SBF2: variants seen among roughly 807,000 people sequenced by gnomAD.
SBF2 encodes the protein myotubularin-related protein 13.
Under a neutral mutation model 225.2 loss-of-function variants are expected in SBF2, and 112 were observed. The observed-to-expected ratio is 0.50, with a 90% CI of 0.43 to 0.58. The LOEUF (loss-of-function observed/expected upper bound fraction) is 0.58, where lower values mean the gene tolerates loss of function less well. Ranked by LOEUF, SBF2 falls within the 20% of genes least tolerant of loss-of-function variation. The pLI is 0.00. For missense variants in SBF2, 1,996 were observed against 2,206.2 expected (o/e 0.90, Z 1.91); for synonymous variants, 763 against 773.3 (o/e 0.99, Z 0.22).
At chr11:10,142,165 G>C (rs145804189) in intron 2 of SBF2, among the ~76,000 whole-genome samples, 206 of 152,254 alleles carry the variant, frequency 1.4e-3, no homozygotes, top group African/African-American at 4.5e-3. Flanking sequence ...TCTTAGCAAA[G>C]AAGTATAGAT....
intron 1 of SBF2, among the ~76,000 whole-genome samples, chr11:10,291,518 G>A (rs376862801): frequency 6.6e-5 from 10 of 152,192 alleles, no homozygotes; most frequent in East Asian, 1.9e-4. Context: ...TATAATCCGC[G>A]AGCTCCCCTT....
intron 2 of SBF2, among the ~76,000 whole-genome samples, chr11:10,150,915 G>A (rs980846612): frequency 4.6e-5 from 7 of 152,050 alleles, no homozygotes; most frequent in South Asian, 2.1e-4. Flanking sequence ...CGTAGAACTG[G>A]AGCAATTATC....
intron 29 of SBF2, among the ~76,000 whole-genome samples, chr11:9,816,275 T>A (rs1347660240): frequency 6.6e-6 from 1 of 152,238 alleles, no homozygotes; most frequent in Non-Finnish European, 1.5e-5. Flanking sequence ...TAAAGTTGAT[T>A]AGCATCTAGT....
At chr11:10,015,422 T>C (rs1226707337) in intron 6 of SBF2, among the ~76,000 whole-genome samples, 1 of 152,206 alleles carries the variant, frequency 6.6e-6, no homozygotes, top group Non-Finnish European at 1.5e-5. Flanking sequence ...GGAAGTCCTG[T>C]GATCAAATTT....
intron 2 of SBF2, among the ~76,000 whole-genome samples, chr11:10,178,548 C>T (rs1255156284): frequency 1.3e-5 from 2 of 149,826 alleles, no homozygotes; most frequent in Non-Finnish European, 3.0e-5. Context: ...TGAACAGACA[C>T]TTCTCAAAAG....
chr11:9,990,199 A>G (rs911271428), intron 12 of SBF2, among the ~76,000 whole-genome samples: 19 of 152,214 alleles, frequency 1.2e-4, no homozygotes, highest in African/African-American at 4.6e-4. Context: ...GGGGGTAAAT[A>G]GATGGATGAC....
chr11:9,796,596 A>C (rs1853142196), intron 32 of SBF2, among the ~76,000 whole-genome samples: 1 of 152,240 alleles, frequency 6.6e-6, no homozygotes, highest in East Asian at 1.9e-4. Flanking sequence ...TAGAGAAAAC[A>C]AATTTTAGAA....
intron 1 of SBF2, among the ~76,000 whole-genome samples, chr11:10,261,633 C>T (rs1347066285): frequency 1.3e-5 from 2 of 152,058 alleles, no homozygotes; most frequent in Non-Finnish European, 2.9e-5. Flanking sequence ...TAGGTATTTA[C>T]CCAAAAGAAA....
chr11:10,058,127 A>C (rs1750672644), intron 2 of SBF2, among the ~76,000 whole-genome samples: 1 of 152,200 alleles, frequency 6.6e-6, no homozygotes, highest in Admixed American at 6.5e-5. Flanking sequence ...CCTCCAAATG[A>C]CTGCACCAGT....
chr11:9,819,226 T>C (rs1854618250), intron 28 of SBF2: 1 of 152,208 alleles, frequency 6.6e-6, no homozygotes, highest in African/African-American at 2.4e-5. Flanking sequence ...CATAATACAG[T>C]ACCTTGATTA....
intron 17 of SBF2, among the ~76,000 whole-genome samples, chr11:9,895,590 T>C (rs375740196): frequency 1.6e-4 from 25 of 151,832 alleles, no homozygotes; most frequent in African/African-American, 4.3e-4. Context: ...CCCTGGGACA[T>C]AGCAGTAAAG....
At chr11:9,890,488 T>C (rs1434135194) in intron 17 of SBF2, among the ~76,000 whole-genome samples, 3 of 152,354 alleles carry the variant, frequency 2.0e-5, no homozygotes, top group African/African-American at 7.2e-5. Context: ...ACGCTCTTAT[T>C]CTGAAGTAAG....
At chr11:10,088,380 G>T (rs948894626) in intron 2 of SBF2, among the ~76,000 whole-genome samples, 2 of 152,266 alleles carry the variant, frequency 1.3e-5, no homozygotes, top group African/African-American at 2.4e-5. Context: ...CCACAGAAAA[G>T]AGAGTTACTA....
At chr11:10,027,708 T>C (rs1949100744) in intron 6 of SBF2, among the ~76,000 whole-genome samples, 1 of 152,218 alleles carries the variant, frequency 6.6e-6, no homozygotes, top group Admixed American at 6.5e-5. Flanking sequence ...TTAAGTTATA[T>C]ATTTCTTAAA....
chr11:10,106,931 T>C (rs1952585270), intron 2 of SBF2, among the ~76,000 whole-genome samples: 1 of 152,176 alleles, frequency 6.6e-6, no homozygotes, highest in African/African-American at 2.4e-5. Context: ...AATATTCTAA[T>C]TCATTAGACA....
At chr11:9,951,118 G>A (rs1865830110) in intron 16 of SBF2, among the ~76,000 whole-genome samples, 1 of 152,084 alleles carries the variant, frequency 6.6e-6, no homozygotes, top group Non-Finnish European at 1.5e-5. Context: ...GTAGGAGTTG[G>A]CCAAGGGAAA....
intron 1 of SBF2, among the ~76,000 whole-genome samples, chr11:10,265,885 ATG>A (rs1414859824): frequency 2.7e-5 from 4 of 150,686 alleles, no homozygotes; most frequent in East Asian, 3.9e-4. Flanking sequence ...GCGCGCGCGC[ATG>A]TGTGTGTGTG....
At chr11:10,260,769 T>C (rs1436177209) in intron 1 of SBF2, among the ~76,000 whole-genome samples, 1 of 151,344 alleles carries the variant, frequency 6.6e-6, no homozygotes, top group Non-Finnish European at 1.5e-5. Context: ...TAGTCCCATC[T>C]ACTCAGGAGG....
intron 1 of SBF2, among the ~76,000 whole-genome samples, chr11:10,223,743 A>C (rs1371296293): frequency 6.6e-6 from 1 of 151,990 alleles, no homozygotes. Flanking sequence ...ACTAAACATG[A>C]TGAAAAATAA....
Sources: allele counts gnomAD v4.1 joint callset (sites outside exome capture counted in the v4.1 genomes callset), GRCh38; gene constraint gnomAD v4.1.1; transcripts MANE v1.5; gene names NCBI Gene and HGNC (gene_info 2026-07-23, HGNC 2026-07-21).